Variants in MGAT4C observed in about 807,000 individuals in gnomAD.
MGAT4C encodes the protein MGAT4 family member C.
MGAT4C carries 19 observed loss-of-function variants against 40.1 expected under a neutral mutation model. The observed-to-expected ratio is 0.47, with a 90% CI of 0.33 to 0.70. The LOEUF is 0.70. Among genes scored for constraint, MGAT4C ranks in the 30% least tolerant of loss-of-function variants. The pLI is 0.02. For missense variants in MGAT4C, 491 were observed against 563.2 expected, an observed-to-expected ratio of 0.87 and a Z score of 1.30; for synonymous variants, 181 against 187.1, an observed-to-expected ratio of 0.97 and a Z score of 0.27.
chr12:86,160,804 T>G (rs1469752912), intron 1 of MGAT4C, among the ~76,000 whole-genome samples: 1 of 152,100 alleles, frequency 6.6e-6, no homozygotes, highest in Non-Finnish European at 1.5e-5. Flanking sequence ...CTTACTGAAT[T>G]GTACCCTTTA....
chr12:86,433,142 G>A (rs751883511), intron 3 of MGAT4C, among the ~76,000 whole-genome samples: 3 of 151,924 alleles, frequency 2.0e-5, no homozygotes, highest in Non-Finnish European at 4.4e-5. Flanking sequence ...CATCAGGGGG[G>A]CAGAGATGCT....
At chr12:86,005,468 G>A (rs963870182) in intron 2 of MGAT4C, among the ~76,000 whole-genome samples, 5 of 152,124 alleles carry the variant, frequency 3.3e-5, no homozygotes, top group Non-Finnish European at 5.9e-5. Context: ...TAGGAACTGA[G>A]GTTAACTTTA....
chr12:86,775,204 C>A (rs1338270827), intron 1 of MGAT4C, among the ~76,000 whole-genome samples: 1 of 152,110 alleles, frequency 6.6e-6, no homozygotes, highest in Non-Finnish European at 1.5e-5. Context: ...TGAGTCACTT[C>A]TCTGTGTCTT....
intron 2 of MGAT4C, among the ~76,000 whole-genome samples, chr12:86,704,173 T>C (rs571091479): frequency 6.6e-6 from 1 of 152,138 alleles, no homozygotes; most frequent in African/African-American, 2.4e-5. Context: ...AAAGAATGTA[T>C]GAAAAGGTTA....
At chr12:85,993,602 A>AG (rs903772824) in intron 2 of MGAT4C, among the ~76,000 whole-genome samples, 1 of 152,140 alleles carries the variant, frequency 6.6e-6, no homozygotes, top group Non-Finnish European at 1.5e-5. Flanking sequence ...AGCTGGTCCT[A>AG]GGGGGATGAG....
At chr12:86,285,461 A>G (rs1953330272) in intron 4 of MGAT4C, among the ~76,000 whole-genome samples, 1 of 152,112 alleles carries the variant, frequency 6.6e-6, no homozygotes, top group African/African-American at 2.4e-5. Flanking sequence ...TACACACAAA[A>G]TGCAAATAGC....
intron 1 of MGAT4C, among the ~76,000 whole-genome samples, chr12:86,077,350 T>G (rs1869933262): frequency 6.6e-6 from 1 of 152,132 alleles, no homozygotes; most frequent in African/African-American, 2.4e-5. Flanking sequence ...ACCCAAATAC[T>G]ATTACAGGAA....
intron 3 of MGAT4C, among the ~76,000 whole-genome samples, chr12:86,433,430 G>A (rs1592842163): frequency 6.6e-6 from 1 of 151,402 alleles, no homozygotes; most frequent in South Asian, 2.1e-4. Context: ...TAAACTGAGG[G>A]AATTGATACT....
At chr12:86,382,416 T>G (rs1387409198) in intron 3 of MGAT4C, among the ~76,000 whole-genome samples, 1 of 152,188 alleles carries the variant, frequency 6.6e-6, no homozygotes, top group Non-Finnish European at 1.5e-5. Context: ...GTTAAATGCA[T>G]TCAGTTTTAA....
intron 3 of MGAT4C, among the ~76,000 whole-genome samples, chr12:86,416,204 A>T (rs1592817305): frequency 6.6e-6 from 1 of 152,068 alleles, no homozygotes; most frequent in Admixed American, 6.6e-5. Context: ...TGTTGGAAGT[A>T]TTTTTTATTC....
chr12:86,347,190 A>G (rs1356994902), intron 3 of MGAT4C, among the ~76,000 whole-genome samples: 1 of 152,158 alleles, frequency 6.6e-6, no homozygotes, highest in Non-Finnish European at 1.5e-5. Context: ...CCTTTCATAT[A>G]TACATATATG....
chr12:86,535,563 T>C (rs11103978), intron 2 of MGAT4C, among the ~76,000 whole-genome samples: 40,672 of 151,958 alleles, frequency 0.27, 6,725 homozygotes, highest in South Asian at 0.39. Context: ...TTAGACAGCA[T>C]AACAGCTAAG....
At chr12:86,746,831 G>A (rs1274284939) in intron 1 of MGAT4C, among the ~76,000 whole-genome samples, 4 of 151,430 alleles carry the variant, frequency 2.6e-5, no homozygotes, top group African/African-American at 7.3e-5. Context: ...CTGAGTTGCC[G>A]TAGAGACACC....
intron 2 of MGAT4C, among the ~76,000 whole-genome samples, chr12:86,459,807 TTTC>T (rs1455409804): frequency 2.2e-4 from 32 of 147,814 alleles, no homozygotes; most frequent in African/African-American, 7.0e-4. Flanking sequence ...AACAAACCCC[TTTC>T]TTCTTGTCCT....
chr12:86,601,486 A>G (rs1961777279), intron 2 of MGAT4C, among the ~76,000 whole-genome samples: 1 of 152,026 alleles, frequency 6.6e-6, no homozygotes, highest in Admixed American at 6.6e-5. Flanking sequence ...GATAGCGGTT[A>G]CCTGTGTCCG....
At chr12:86,317,011 G>T (rs1484930085) in intron 4 of MGAT4C, among the ~76,000 whole-genome samples, 1 of 151,200 alleles carries the variant, frequency 6.6e-6, no homozygotes, top group African/African-American at 2.4e-5. Context: ...AGAAAGGACA[G>T]AAAAAAGAAG....
chr12:86,301,741 TATC>T (rs1466347421), intron 4 of MGAT4C, among the ~76,000 whole-genome samples: 2 of 152,246 alleles, frequency 1.3e-5, no homozygotes, highest in Non-Finnish European at 2.9e-5. Context: ...TACTCTAACA[TATC>T]ATGCCATATT....
chr12:86,611,054 C>T (rs1962240082), intron 2 of MGAT4C, among the ~76,000 whole-genome samples: 2 of 151,060 alleles, frequency 1.3e-5, no homozygotes, highest in South Asian at 4.2e-4. Flanking sequence ...GGTGTATAGT[C>T]TCGGTGTGAA....
intron 2 of MGAT4C, among the ~76,000 whole-genome samples, chr12:86,598,929 C>T (rs1961650368): frequency 6.6e-6 from 1 of 152,088 alleles, no homozygotes; most frequent in African/African-American, 2.4e-5. Context: ...GAAGACTTTA[C>T]ACACTGAAAT....
Sources: gnomAD v4.1 joint callset for allele counts (sites outside exome capture counted in the v4.1 genomes callset) on GRCh38, gnomAD v4.1.1 for gene constraint, MANE v1.5 for transcripts, NCBI Gene and HGNC (gene_info 2026-07-23, HGNC 2026-07-21) for gene names.